CAMTA1: variants seen among roughly 807,000 people sequenced by gnomAD.
CAMTA1 encodes calmodulin binding transcription activator 1.
A neutral mutation model predicts 170.9 loss-of-function variants in CAMTA1; 27 were observed. That is an observed-to-expected ratio of 0.16 (90% CI 0.12 to 0.22). The LOEUF (loss-of-function observed/expected upper bound fraction) is 0.22, where lower values mean the gene tolerates loss of function less well. Ranked by LOEUF, CAMTA1 falls within the 10% of genes least tolerant of loss-of-function variation. The pLI is 1.00. For synonymous variants in CAMTA1, 833 were observed against 891.5 expected (o/e 0.93, Z 1.17); for missense variants, 1,619 against 2,217.2 (o/e 0.73, Z 5.42).
chr1:6,986,591 C>T (rs1001043534), intron 3 of CAMTA1, among the ~76,000 whole-genome samples: 3 of 152,206 alleles, frequency 2.0e-5, no homozygotes, highest in African/African-American at 7.2e-5. Flanking sequence ...ATTTGTCAAC[C>T]ATCGTCCATG....
At chr1:6,948,856 C>G (rs551324648) in intron 3 of CAMTA1, among the ~76,000 whole-genome samples, 1 of 152,054 alleles carries the variant, frequency 6.6e-6, no homozygotes, top group Non-Finnish European at 1.5e-5. Flanking sequence ...CTGAGGTGAT[C>G]GAAGAAATTT....
intron 5 of CAMTA1, among the ~76,000 whole-genome samples, chr1:7,398,882 A>T (rs74505436): frequency 6.6e-6 from 1 of 152,144 alleles, no homozygotes; most frequent in Non-Finnish European, 1.5e-5. Context: ...TTTTAAGTTG[A>T]TAATAACTTA....
At position 6,951,535 on chromosome 1, in the gene CAMTA1, A is replaced by T. The variant is rs370707340; in HGVS notation, c.234+126325A>T. ...TCCTCCATAAAATGAGGGTTATAAG[A>T]AGCGTCTTTATCCCCCAGGACTATT... On this transcript the variant is annotated intron_variant, in intron 3 of 22. Coordinates refer to ENST00000303635, the MANE Select transcript of CAMTA1 (RefSeq NM_015215.4). Among the ~76,000 whole-genome samples, 120 of 152,290 alleles carry T rather than the reference A, an allele frequency of 7.9e-4. No individual in the cohort carries two copies. In the Middle Eastern group the frequency reaches 0.01, roughly 13 times the overall value.
At chr1:7,236,089 G>A (rs969538155) in intron 4 of CAMTA1, among the ~76,000 whole-genome samples, 1 of 152,170 alleles carries the variant, frequency 6.6e-6, no homozygotes, top group African/African-American at 2.4e-5. Context: ...CGGAATGCTT[G>A]TAACCAGTTT....
In CAMTA1 at chr1:7,007,641, G is replaced by T. The variant is rs373800873; in HGVS notation, c.235-83663G>T. ...GACCTGGTGCTTGACCCAGACTGCCGAGGGGTGGCCGGGCCCTGTCAGTGC... is the reference window on the plus strand; with the variant it reads ...GACCTGGTGCTTGACCCAGACTGCCTAGGGGTGGCCGGGCCCTGTCAGTGC... On this transcript the variant is annotated intron_variant, in intron 3 of 22. Transcript: ENST00000303635. This position sits in a 1 kb window ranked among gnomAD's most constrained non-coding sequence, Gnocchi z 4.5. Among the ~76,000 whole-genome samples, 1 of 152,142 alleles carries T rather than the reference G, an allele frequency of 6.6e-6. No homozygotes were observed. The highest frequency in any genetic ancestry group is 1.5e-5 in the Non-Finnish European group (1 of 68,024).
intron 11 of CAMTA1, among the ~76,000 whole-genome samples, chr1:7,704,017 C>T (rs1451702910): frequency 6.6e-6 from 1 of 151,816 alleles, no homozygotes; most frequent in African/African-American, 2.4e-5. Context: ...CCGGAGCCGC[C>T]GCCACCGTCC....
At chr1:7,245,178 GAT>G (rs58458840) in intron 4 of CAMTA1, among the ~76,000 whole-genome samples, 97,906 of 148,394 alleles carry the variant, frequency 0.66, 33,234 homozygotes, top group African/African-American at 0.83. Flanking sequence ...ATTTAGCCAA[GAT>G]ATATATATAT....
At chr1:6,796,716 G>A (rs1002983687) in intron 1 of CAMTA1, among the ~76,000 whole-genome samples, 29 of 152,138 alleles carry the variant, frequency 1.9e-4, no homozygotes, top group African/African-American at 6.8e-4. Flanking sequence ...TCGTGTAGCT[G>A]TTGACTCCGG....
chr1:7,448,822 C>T (rs1484620269), intron 5 of CAMTA1, among the ~76,000 whole-genome samples: 3 of 152,198 alleles, frequency 2.0e-5, no homozygotes, highest in Non-Finnish European at 2.9e-5. Context: ...CCCATCTCCT[C>T]GGGGTCAGGA....
rs548630847 is a variant in CAMTA1 at position 7,600,558 on chromosome 1, A to G, written c.511-39842A>G. ...GAGGGGGATTTGGCAGGGTCACAGG[A>G]CAATAGTGGAGGGAAGGTCAGCAGA... On this transcript the variant is annotated intron_variant, in intron 6 of 22. Transcript: ENST00000303635. 4.0e-3 allele frequency among the ~76,000 whole-genome samples: 602 copies of G among 150,118 alleles called. 4 individuals are homozygous for G. Among genetic ancestry groups the G allele is most frequent in the African/African-American group, 0.014 (580 of 40,680 alleles).
At chr1:7,131,668 A>G (rs1645263934) in intron 4 of CAMTA1, among the ~76,000 whole-genome samples, 1 of 151,842 alleles carries the variant, frequency 6.6e-6, no homozygotes, top group Non-Finnish European at 1.5e-5. Flanking sequence ...TAAACTTTCT[A>G]TCCTGTTTCA....
intron 3 of CAMTA1, among the ~76,000 whole-genome samples, chr1:7,057,413 GCCCT>G (rs1230638989): frequency 6.6e-6 from 1 of 152,174 alleles, no homozygotes; most frequent in Admixed American, 6.5e-5. Flanking sequence ...GGATTTTATG[GCCCT>G]CCGTGTGGCA....
intron 5 of CAMTA1, among the ~76,000 whole-genome samples, chr1:7,318,106 G>A (rs1574641646): frequency 1.3e-5 from 2 of 152,350 alleles, no homozygotes; most frequent in South Asian, 4.1e-4. Context: ...GGCCCAGTGT[G>A]CCAGTGCAGA....
intron 4 of CAMTA1, among the ~76,000 whole-genome samples, chr1:7,102,055 CA>C: frequency 1.2e-5 from 1 of 86,790 alleles, no homozygotes; most frequent in Non-Finnish European, 2.7e-5. Context: ...CACACACACA[CA>C]CACACACACA....
At chr1:7,147,341 G>A (rs934576836) in intron 4 of CAMTA1, among the ~76,000 whole-genome samples, 9 of 151,404 alleles carry the variant, frequency 5.9e-5, no homozygotes, top group Non-Finnish European at 2.9e-5. Context: ...GGAGAATGGC[G>A]TGAACCCGGG....
In CAMTA1 at chr1:7,545,699, G is replaced by A. The variant is rs543560819; in HGVS notation, c.510+77798G>A. ...TTTCTCTTCAACTTTTAAGTTCCAG[G>A]ATACATGTTAGGATGTACCCTGGAT... On this transcript the variant is annotated intron_variant, in intron 6 of 22. Coordinates refer to ENST00000303635, the MANE Select transcript of CAMTA1 (RefSeq NM_015215.4). Among the ~76,000 whole-genome samples the A allele has an allele frequency of 2.0e-5, 3 of 152,098 alleles. No homozygotes were observed. In the South Asian group the frequency reaches 6.2e-4, roughly 32 times the overall value.
At chr1:6,868,629 C>T (rs1667467099) in intron 3 of CAMTA1, among the ~76,000 whole-genome samples, 1 of 151,400 alleles carries the variant, frequency 6.6e-6, no homozygotes, top group Non-Finnish European at 1.5e-5. Context: ...AGTACTACTC[C>T]TTGGTGTGGG....
chr1:6,785,817 G>A (rs1639070865), intron 1 of CAMTA1, among the ~76,000 whole-genome samples: 2 of 140,542 alleles, frequency 1.4e-5, no homozygotes, highest in Non-Finnish European at 3.2e-5. Context: ...GGGGCGGGCT[G>A]GGGCCGGAGG....
chr1:6,833,564 G>A (rs556986274), intron 3 of CAMTA1, among the ~76,000 whole-genome samples: 67 of 152,148 alleles, frequency 4.4e-4, no homozygotes, highest in Non-Finnish European at 6.2e-4. Context: ...TTTGGCATGC[G>A]GTACTATCTT....
Sources: gnomAD v4.1 joint callset for allele counts (sites outside exome capture counted in the v4.1 genomes callset) on GRCh38, gnomAD v4.1.1 for gene constraint, Gnocchi (gnomAD v3.1) non-coding constraint, MANE v1.5 for transcripts, NCBI Gene and HGNC (gene_info 2026-07-23, HGNC 2026-07-21) for gene names.